Variants in MYLK3 observed in about 807,000 individuals in gnomAD.
MYLK3 encodes myosin light chain kinase 3.
Under a neutral mutation model 76.3 loss-of-function variants are expected in MYLK3, and 55 were observed. That is an observed-to-expected ratio of 0.72 (90% CI 0.58 to 0.90). The LOEUF is 0.90. Among genes scored for constraint, MYLK3 ranks in the 40% least tolerant of loss-of-function variants. The pLI, the probability that MYLK3 is intolerant of heterozygous loss-of-function variation, is 0.00. For synonymous variants in MYLK3, 416 were observed against 425.4 expected, an observed-to-expected ratio of 0.98 and a Z score of 0.27; for missense variants, 973 against 1,053.6, an observed-to-expected ratio of 0.92 and a Z score of 1.06.
At chr16:46,752,839 C>T (rs949058562), upstream of MYLK3, among the ~76,000 whole-genome samples, 1 of 152,128 alleles carries the variant, frequency 6.6e-6, no homozygotes, top group African/African-American at 2.4e-5. Context: ...GCAATGGAGA[C>T]ACTGTACTCC....
chr16:46,713,841 G>A (rs1966709547), intron 9 of MYLK3, among the ~76,000 whole-genome samples: 1 of 152,126 alleles, frequency 6.6e-6, no homozygotes, highest in Non-Finnish European at 1.5e-5. Flanking sequence ...TTGTCTTTCT[G>A]AGCCTGGCTT....
intron 9 of MYLK3, among the ~76,000 whole-genome samples, chr16:46,716,533 G>A (rs1436674924): frequency 1.3e-5 from 2 of 148,696 alleles, no homozygotes; most frequent in African/African-American, 2.5e-5. Flanking sequence ...GTGTGTGTGT[G>A]TATGTTTATT....
upstream of MYLK3, among the ~76,000 whole-genome samples, chr16:46,750,063 T>G (rs1967102434): frequency 6.6e-6 from 1 of 152,200 alleles, no homozygotes; most frequent in Admixed American, 6.5e-5. Context: ...TTCCAGTCCC[T>G]CTGGGGATTC....
rs1335360530 is a variant in MYLK3 at position 46,704,018 on chromosome 16, T to C, written c.*3686A>G. 3 of 153,042 alleles carry C rather than the reference T, an allele frequency of 2.0e-5. No individual in the cohort carries two copies. The highest frequency in any genetic ancestry group is 7.2e-5 in the African/African-American group (3 of 41,460). The allele number at this position is 153,042 out of a possible 1,614,324, so 9.5% of individuals were successfully genotyped here. On this transcript the variant is annotated 3_prime_UTR_variant, in exon 13 of 13. Transcript: ENST00000394809. Reference sequence around the variant, plus strand: ...GAGTATGTAAATACATTTTCCACAGTAAGTTTTAAGAAATCTAAATACAGA... The same window carrying C: ...GAGTATGTAAATACATTTTCCACAGCAAGTTTTAAGAAATCTAAATACAGA...
chr16:46,709,710 T>A (rs893084599), intron 11 of MYLK3, 39 bp from the exon 12 acceptor site: 1 of 1,598,518 alleles, frequency 6.3e-7, no homozygotes, highest in African/African-American at 1.4e-5. Context: ...TTAGTTGGAG[T>A]TGCCTTTTCT....
rs1249143494 is a variant in MYLK3, at chr16:46,705,718, G to A, written c.*1986C>T. The A allele has an allele frequency of 6.6e-6, 1 of 152,022 alleles. No individual in the cohort carries two copies. The highest frequency in any genetic ancestry group is 1.5e-5 in the Non-Finnish European group (1 of 68,014). The allele number at this position is 152,022 out of a possible 1,614,324, so 9.4% of individuals were successfully genotyped here. A position where few individuals can be genotyped will look rare whatever the true frequency, so the allele number is the denominator to read the frequency against. ...TTCGTAAATGTGTTAGTTGAAGCTG[G>A]GTGTGGTGGCTCACACCTATAATCC... On this transcript the variant is annotated 3_prime_UTR_variant, in exon 13 of 13. Coordinates refer to ENST00000394809, the MANE Select transcript of MYLK3 (RefSeq NM_182493.3).
chr16:46,762,135 G>A (rs1265633564), intron 1 of MYLK3, among the ~76,000 whole-genome samples: 1 of 152,132 alleles, frequency 6.6e-6, no homozygotes, highest in Admixed American at 6.5e-5. Context: ...ACCCCTCCCT[G>A]CTGCAGGCAA....
Position 46,732,224 on chromosome 16 carries a change from A to C in MYLK3, c.1446T>G (p.Ala482=), listed in dbSNP as rs760397262. ...AVRRMPPGAE[A]GSVVLDDSPA... ...CCCACTTACCCAGAACCACGCTGCC[A>C]GCCTCGGCGCCTGGGGGCATCCTCC... Residue 482 remains alanine, a synonymous_variant, in exon 4 of 13, where the codon GCT becomes GCG. Coordinates refer to ENST00000394809, the MANE Select transcript of MYLK3 (RefSeq NM_182493.3). 41 of 1,588,080 alleles carry C rather than the reference A, an allele frequency of 2.6e-5. No individual in the cohort carries two copies. The Admixed American group carries it at 6.9e-4, about 27-fold the overall frequency.
chr16:46,755,897 T>C (rs538970728), intron 1 of MYLK3, among the ~76,000 whole-genome samples: 22 of 84,002 alleles, frequency 2.6e-4, no homozygotes, highest in Admixed American at 1.1e-3. Context: ...TCTTTTTTCT[T>C]TTTTCTTTCT....
intron 9 of MYLK3, among the ~76,000 whole-genome samples, chr16:46,713,199 CT>C (rs11408687): frequency 4.9e-4 from 67 of 137,750 alleles, no homozygotes; most frequent in Non-Finnish European, 4.9e-4. Context: ...TATATGATGC[CT>C]TTTTTTTTTT....
At chr16:46,714,531 A>C (rs1412028789) in intron 9 of MYLK3, among the ~76,000 whole-genome samples, 2 of 152,214 alleles carry the variant, frequency 1.3e-5, no homozygotes, top group East Asian at 3.9e-4. Context: ...CCAGCAGCTG[A>C]CCCAGGACTC....
upstream of MYLK3, among the ~76,000 whole-genome samples, chr16:46,752,261 G>T (rs907207441): frequency 2.0e-5 from 3 of 151,926 alleles, no homozygotes; most frequent in Admixed American, 1.3e-4. Context: ...TCTAAGATAT[G>T]GTCTCGATCT....
At chr16:46,735,006 T>G (rs1567287987) in intron 3 of MYLK3, among the ~76,000 whole-genome samples, 1 of 151,818 alleles carries the variant, frequency 6.6e-6, no homozygotes, top group Non-Finnish European at 1.5e-5. Context: ...CCAGGCATGG[T>G]GGCACATGCT....
Position 46,707,692 on chromosome 16 carries a change from C to T in MYLK3, c.*12G>A. 1 of 1,594,740 alleles carries T rather than the reference C, an allele frequency of 6.3e-7. No individual in the cohort carries two copies. Among genetic ancestry groups the T allele is most frequent in the Non-Finnish European group, 8.6e-7 (1 of 1,162,742 alleles). The stretch of plus-strand genomic sequence containing the variant: ...GTAATTTCTGGACCCATTGGAGCAG[C>T]AGAGTTGAAGATTAGGGAGAAGTTG... On this transcript the variant is annotated 3_prime_UTR_variant, in exon 13 of 13. Coordinates refer to ENST00000394809, the MANE Select transcript of MYLK3 (RefSeq NM_182493.3).
rs1050855639 is a variant in MYLK3, at chr16:46,721,738, G to A, written c.1915-545C>T. Among the ~76,000 whole-genome samples, 5 of 152,108 alleles carry A rather than the reference G, an allele frequency of 3.3e-5. No homozygotes were observed. In the South Asian group the frequency reaches 8.3e-4, roughly 25 times the overall value. ...ACAACTAAACGAAATCTAAACTCACGTCTCAGAACCCAACAGAATACCTCT... is the reference window on the plus strand; with the variant it reads ...ACAACTAAACGAAATCTAAACTCACATCTCAGAACCCAACAGAATACCTCT... On this transcript the variant is annotated intron_variant, in intron 8 of 12. Transcript: ENST00000394809.
At chr16:46,723,589 A>C (rs146928787) in intron 8 of MYLK3, among the ~76,000 whole-genome samples, 1,723 of 151,470 alleles carry the variant, frequency 0.011, 44 homozygotes, top group Admixed American at 0.061. Flanking sequence ...AAGCGAATGC[A>C]CATTTTACAA....
intron 9 of MYLK3, 106 bp from the exon 10 acceptor site, chr16:46,712,882 C>T (rs1966698649): frequency 9.1e-6 from 11 of 1,203,256 alleles, no homozygotes; most frequent in Non-Finnish European, 1.1e-5. Flanking sequence ...TCCCATCAGC[C>T]ATATGGCCTG....
Position 46,737,973 on chromosome 16 carries a change from C to T in MYLK3, c.739G>A (p.Glu247Lys). Residue 247 changes from glutamate to lysine, a missense_variant, in exon 3 of 13, where the codon GAA (glutamate) becomes AAA (lysine). Physicochemically the swap from Glu to Lys is moderately conservative, Grantham distance 56 (BLOSUM62 1). Transcript: ENST00000394809. ...PGHLPLPTKV[E>K]AKAPETPSEN... ...CTGGGTGTCTCAGGAGCCTTGGCTT[C>T]CACCTTTGTGGGCAGGGGCAGGTGG... The T allele has an allele frequency of 6.2e-7, 1 of 1,614,084 alleles. No homozygotes were observed. Among genetic ancestry groups the T allele is most frequent in the Non-Finnish European group, 8.5e-7 (1 of 1,180,016 alleles).
intron 9 of MYLK3, among the ~76,000 whole-genome samples, chr16:46,719,714 A>G (rs1444341594): frequency 6.6e-6 from 1 of 152,202 alleles, no homozygotes; most frequent in Non-Finnish European, 1.5e-5. Flanking sequence ...TATGCGATGC[A>G]TCTGTCACCA....
Sources: allele counts gnomAD v4.1 joint callset (sites outside exome capture counted in the v4.1 genomes callset), GRCh38; gene constraint gnomAD v4.1.1; transcripts MANE v1.5; gene names NCBI Gene and HGNC (gene_info 2026-07-23, HGNC 2026-07-21).